Variants in LRP1B observed in about 807,000 individuals in gnomAD.
LRP1B encodes the protein LDL receptor related protein 1B.
A neutral mutation model predicts 556.6 loss-of-function variants in LRP1B; 217 were observed. That is an observed-to-expected ratio of 0.39 (90% CI 0.35 to 0.44). LRP1B has a LOEUF of 0.44. LRP1B is among the 20% of genes least tolerant of loss of function. The pLI, the probability that LRP1B is intolerant of heterozygous loss-of-function variation, is 1.00. For synonymous variants in LRP1B, 2,047 were observed against 1,865.8 expected (o/e 1.10, Z -2.50); for missense variants, 5,053 against 5,620.8 (o/e 0.90, Z 3.23).
Position 140,310,413 on chromosome 2 carries a change from C to T in LRP1B, c.12805+4522G>A. 2.8e-5 allele frequency among the ~76,000 whole-genome samples: 2 copies of T among 70,970 alleles called. 1 individual carries two copies. Among genetic ancestry groups the T allele is most frequent in the Non-Finnish European group, 6.5e-5 (2 of 30,968 alleles). 46.6% of individuals were successfully genotyped at this position (70,970 alleles called of 152,430 possible). On this transcript the variant is annotated intron_variant, in intron 83 of 90. Transcript: ENST00000389484. Reference sequence around the variant, plus strand: ...AAGCAATCCTAAAATTCATACGGAACCAAAAAAAAAAAAAAGGCCTGAATA... The same window carrying T: ...AAGCAATCCTAAAATTCATACGGAATCAAAAAAAAAAAAAAGGCCTGAATA...
rs189143184 is a variant in LRP1B, at chr2:141,117,068, T to C, written c.1014-54795A>G. 3.8e-3 allele frequency among the ~76,000 whole-genome samples: 583 copies of C among 152,188 alleles called. 3 individuals are homozygous for C. Among genetic ancestry groups the C allele is most frequent in the African/African-American group, 0.013 (521 of 41,566 alleles). Reference sequence around the variant, plus strand: ...TTTTTTCTAGATGTATTAATAACGATTACAAGCAAATTCAGGAATGCCCCA... The same window carrying C: ...TTTTTTCTAGATGTATTAATAACGACTACAAGCAAATTCAGGAATGCCCCA... On this transcript the variant is annotated intron_variant, in intron 7 of 90. Coordinates refer to ENST00000389484, the MANE Select transcript of LRP1B (RefSeq NM_018557.3).
At chr2:140,843,067 G>GT (rs1232129942) in intron 29 of LRP1B, among the ~76,000 whole-genome samples, 623 of 10,648 alleles carry the variant, frequency 0.059, 21 homozygotes, top group African/African-American at 0.13. Flanking sequence ...TTTTTTTTTT[G>GT]TTTTTTTTTT....
Position 141,233,808 on chromosome 2 carries a change from A to C in LRP1B, c.593-4368T>G, listed in dbSNP as rs910256258. 3.3e-5 allele frequency among the ~76,000 whole-genome samples: 5 copies of C among 152,220 alleles called. No individual in the cohort carries two copies. In the East Asian group the frequency reaches 5.8e-4, roughly 18 times the overall value. ...GGCTAGTTTCCTTCTAAGTGATTGA[A>C]GTAATGAATTCATATACTTACAAAT... On this transcript the variant is annotated intron_variant, in intron 5 of 90. Coordinates refer to ENST00000389484, the MANE Select transcript of LRP1B (RefSeq NM_018557.3).
chr2:141,937,624 T>A (rs745672689), intron 1 of LRP1B, among the ~76,000 whole-genome samples: 1 of 151,350 alleles, frequency 6.6e-6, no homozygotes, highest in Non-Finnish European at 1.5e-5. Context: ...CTAAAATTTA[T>A]ATTAAAGTGC....
intron 1 of LRP1B, among the ~76,000 whole-genome samples, chr2:141,832,837 C>CT (rs1453678057): frequency 6.6e-6 from 1 of 151,786 alleles, no homozygotes; most frequent in East Asian, 1.9e-4. Context: ...AACTAAAACT[C>CT]TATTTGTTTC....
At chr2:141,137,880 G>T (rs1206451576) in intron 7 of LRP1B, among the ~76,000 whole-genome samples, 1 of 150,498 alleles carries the variant, frequency 6.6e-6, no homozygotes, top group African/African-American at 2.4e-5. Context: ...CCATGTTATG[G>T]ATTTTTTTTT....
In LRP1B at chr2:141,915,911, T is replaced by C. The variant is rs145204624; in HGVS notation, c.83-105510A>G. Among the ~76,000 whole-genome samples, 348 of 152,254 alleles carry C rather than the reference T, an allele frequency of 2.3e-3. 1 individual carries two copies. Among genetic ancestry groups the C allele is most frequent in the African/African-American group, 8.0e-3 (332 of 41,526 alleles). ...CTCACACCAATCAGAGTGTCTATTA[T>C]TACAAATTCTAAAAATAACAGATCC... On this transcript the variant is annotated intron_variant, in intron 1 of 90. Transcript: ENST00000389484.
intron 2 of LRP1B, among the ~76,000 whole-genome samples, chr2:141,677,639 G>A (rs763005377): frequency 3.6e-4 from 55 of 152,082 alleles, no homozygotes; most frequent in Admixed American, 1.3e-3. Flanking sequence ...ACAGGCATGC[G>A]CCACCATGCC....
intron 18 of LRP1B, among the ~76,000 whole-genome samples, chr2:140,960,366 C>T (rs576456707): frequency 2.6e-4 from 40 of 151,832 alleles, no homozygotes; most frequent in Non-Finnish European, 5.6e-4. Flanking sequence ...AGATCTTTCT[C>T]CCAACATGTA....
intron 41 of LRP1B, among the ~76,000 whole-genome samples, chr2:140,680,380 A>G (rs987767017): frequency 6.6e-6 from 1 of 152,042 alleles, no homozygotes; most frequent in Non-Finnish European, 1.5e-5. Context: ...GTTGGTCTGC[A>G]TCTCGTTATT....
chr2:140,856,372 T>C (rs867683985), intron 27 of LRP1B, among the ~76,000 whole-genome samples: 6 of 152,328 alleles, frequency 3.9e-5, no homozygotes, highest in Middle Eastern at 6.8e-3. Flanking sequence ...TTATAATTAT[T>C]GCTTTTACAC....
rs111692244 is a variant in LRP1B, at chr2:141,752,827, C to T, written c.205+57452G>A. On this transcript the variant is annotated intron_variant, in intron 2 of 90. Coordinates refer to ENST00000389484, the MANE Select transcript of LRP1B (RefSeq NM_018557.3). ...TGGTGGTGCATGCCTGTGGTCCCTG[C>T]GACTTGCTTGGGAGGCTGAGATGGG... Among the ~76,000 whole-genome samples the T allele has an allele frequency of 1.3e-3, 188 of 149,218 alleles. 1 individual carries two copies. The highest frequency in any genetic ancestry group is 2.3e-3 in the Non-Finnish European group (153 of 67,446).
chr2:140,732,040 T>C (rs1477398091), intron 35 of LRP1B, among the ~76,000 whole-genome samples: 3 of 152,156 alleles, frequency 2.0e-5, no homozygotes, highest in Non-Finnish European at 4.4e-5. Context: ...AGATATAGTA[T>C]TGTCTCATAT....
At chr2:140,635,724 A>G (rs1684049963) in intron 41 of LRP1B, among the ~76,000 whole-genome samples, 1 of 152,032 alleles carries the variant, frequency 6.6e-6, no homozygotes, top group South Asian at 2.1e-4. Context: ...TGGGCTACTT[A>G]CTAGCCATGG....
chr2:140,908,135 GA>G lies in LRP1B; in HGVS notation c.3320-59del. The G allele has an allele frequency of 3.0e-6, 4 of 1,353,432 alleles. No homozygotes were observed. The Admixed American group carries it at 6.9e-5, about 23-fold the overall frequency. The allele number at this position is 1,353,432 out of a possible 1,614,324, so 83.8% of individuals were successfully genotyped here. ...TTTGTGATTAGGTCATTATGATAAT[GA>G]GTGGCCATTATTGTCTTCAGTCACA... On this transcript the variant is annotated intron_variant, in intron 21 of 90. Transcript: ENST00000389484.
At chr2:140,979,637 A>C (rs1696709000) in intron 18 of LRP1B, among the ~76,000 whole-genome samples, 1 of 152,190 alleles carries the variant, frequency 6.6e-6, no homozygotes, top group Non-Finnish European at 1.5e-5. Context: ...AGGAAATGTT[A>C]AAACATTTAC....
chr2:140,498,678 G>T lies in LRP1B; in HGVS notation c.8851-2930C>A, dbSNP rs951312811. Among the ~76,000 whole-genome samples the T allele has an allele frequency of 1.4e-4, 22 of 151,792 alleles. No individual in the cohort carries two copies. In the Admixed American group the frequency reaches 1.4e-3, roughly 10 times the overall value. ...TTCTCTGAAACAGAGAAATCTATCA[G>T]CTCACGTAATTTTGCAACGTGGTAG... On this transcript the variant is annotated intron_variant, in intron 55 of 90. Transcript: ENST00000389484.
chr2:140,732,833 C>T (rs1687822861), intron 35 of LRP1B, among the ~76,000 whole-genome samples: 2 of 152,016 alleles, frequency 1.3e-5, no homozygotes, highest in Admixed American at 6.6e-5. Flanking sequence ...AAACAAGATT[C>T]CTTAAGAAAT....
At chr2:141,681,309 C>T (rs960798897) in intron 2 of LRP1B, among the ~76,000 whole-genome samples, 5 of 151,590 alleles carry the variant, frequency 3.3e-5, no homozygotes, top group Non-Finnish European at 7.4e-5. Flanking sequence ...TAGATATACT[C>T]TATTGATTAA....
Sources: gnomAD v4.1 joint callset for allele counts (sites outside exome capture counted in the v4.1 genomes callset) on GRCh38, gnomAD v4.1.1 for gene constraint, MANE v1.5 for transcripts, NCBI Gene and HGNC (gene_info 2026-07-23, HGNC 2026-07-21) for gene names.